DNAH12: variants seen among roughly 807,000 people sequenced by gnomAD.
DNAH12 encodes dynein axonemal heavy chain 12, also known as axonemal beta dynein heavy chain 12.
DNAH12 carries 285 observed loss-of-function variants against 371.5 expected under a neutral mutation model. The ratio of observed to expected loss-of-function variants is 0.77; its 90% CI spans 0.70 to 0.85. DNAH12 has a LOEUF of 0.85. Among genes scored for constraint, DNAH12 ranks in the 40% least tolerant of loss-of-function variants. DNAH12 has a pLI of 0.00. For missense variants in DNAH12, 3,611 were observed against 3,689.4 expected, an observed-to-expected ratio of 0.98 and a Z score of 0.55; for synonymous variants, 1,200 against 1,213.0, an observed-to-expected ratio of 0.99 and a Z score of 0.22.
rs997776079 is a variant in DNAH12, at chr3:57,413,969, T to C, written c.5854-57A>G. 6.7e-6 allele frequency: 10 copies of C among 1,495,382 alleles called. No homozygotes were observed. In the Admixed American group the frequency reaches 1.6e-4, roughly 24 times the overall value. 92.6% of individuals were successfully genotyped at this position (1,495,382 alleles called of 1,614,324 possible). A position where few individuals can be genotyped will look rare whatever the true frequency, so the allele number is the denominator to read the frequency against. On this transcript the variant is annotated intron_variant, in intron 38 of 73. Transcript: ENST00000495027. ...CTATAATTGAATTAGGGATTTATCA[T>C]ACTTATATTAAATCAGTATCAACAA...
chr3:57,310,887 T>A lies in DNAH12; in HGVS notation c.10726A>T (p.Asn3576Tyr). The A allele has an allele frequency of 6.4e-7, 1 of 1,551,626 alleles. No individual in the cohort carries two copies. Among genetic ancestry groups the A allele is most frequent in the South Asian group, 1.2e-5 (1 of 84,064 alleles). Residue 3576 changes from asparagine to tyrosine, a missense_variant, in exon 67 of 74, where the codon AAT becomes TAT. This residue lies in a region of DNAH12 where 2,266 missense variants were observed against 2,236.9 expected (regional missense o/e 1.01). Coordinates refer to ENST00000495027, the MANE Select transcript of DNAH12 (RefSeq NM_001366028.2). ...EAISYLTGEC[N>Y]YGGRVTDDWD... is the part of the protein sequence containing the mutation. Reference sequence around the variant, plus strand: ...TCGTCTGTCACTCTTCCTCCATAATTACACTCCCCAGTCAGGTAAGATATA... The same window carrying A: ...TCGTCTGTCACTCTTCCTCCATAATAACACTCCCCAGTCAGGTAAGATATA...
At chr3:57,386,669 A>T (rs2063505121) in intron 46 of DNAH12, 66 bp from the exon 47 acceptor site, 1 of 152,244 alleles carries the variant, frequency 6.6e-6, no homozygotes, top group African/African-American at 2.4e-5. Context: ...TAAATTCAAC[A>T]TACCATTAAC....
intron 29 of DNAH12, among the ~76,000 whole-genome samples, chr3:57,438,932 A>AAAAAAAAAAC: frequency 6.9e-6 from 1 of 144,624 alleles, no homozygotes; most frequent in East Asian, 2.0e-4. Flanking sequence ...AAAAAAAAAA[A>AAAAAAAAAAC]GGAAAGCAAC....
At chr3:57,398,129 AAACTG>A (rs1280760045) in intron 43 of DNAH12, among the ~76,000 whole-genome samples, 2 of 152,212 alleles carry the variant, frequency 1.3e-5, no homozygotes, top group African/African-American at 4.8e-5. Flanking sequence ...CCAAAACATA[AAACTG>A]AACTAAAAAA....
intron 29 of DNAH12, among the ~76,000 whole-genome samples, chr3:57,441,205 G>C (rs931616347): frequency 1.3e-5 from 2 of 152,022 alleles, no homozygotes; most frequent in African/African-American, 4.8e-5. Flanking sequence ...GCAGAAAAGA[G>C]AACTCTCTAA....
At chr3:57,470,126 T>C (rs1298704458) in intron 16 of DNAH12, among the ~76,000 whole-genome samples, 1 of 151,590 alleles carries the variant, frequency 6.6e-6, no homozygotes, top group African/African-American at 2.4e-5. Context: ...ACTCATATAT[T>C]ATATATATAT....
At chr3:57,388,799 C>T (rs1351726936) in intron 45 of DNAH12, among the ~76,000 whole-genome samples, 1 of 150,384 alleles carries the variant, frequency 6.6e-6, no homozygotes, top group Admixed American at 6.7e-5. Flanking sequence ...CAAACTATCA[C>T]AAGGACAAAA....
chr3:57,424,855 TA>T (rs1218906786), intron 35 of DNAH12, among the ~76,000 whole-genome samples, 166 bp downstream of exon 35: 1 of 152,176 alleles, frequency 6.6e-6, no homozygotes, highest in East Asian at 1.9e-4. Context: ...AAGTGTTTTT[TA>T]TTATCAGAAT....
At chr3:57,496,944 A>G (rs1559721410) in intron 11 of DNAH12, among the ~76,000 whole-genome samples, 1 of 152,064 alleles carries the variant, frequency 6.6e-6, no homozygotes, top group Non-Finnish European at 1.5e-5. Context: ...ACTACAGCCT[A>G]GGCAACAAGA....
chr3:57,297,359 A>AT (rs35527517), intron 70 of DNAH12: 59,960 of 158,130 alleles, frequency 0.38, 11,936 homozygotes, highest in East Asian at 0.87. Context: ...CCTTAACCCT[A>AT]TTTTTTTTTT....
intron 55 of DNAH12, among the ~76,000 whole-genome samples, chr3:57,368,817 G>A (rs1463980860): frequency 6.6e-6 from 1 of 152,126 alleles, no homozygotes; most frequent in African/African-American, 2.4e-5. Context: ...GTTCAGATGT[G>A]TAATATATGA....
At position 57,421,582 on chromosome 3, in the gene DNAH12, T is replaced by A; in HGVS notation, c.5498A>T (p.Asp1833Val). 6.4e-7 allele frequency: 1 copy of A among 1,551,672 alleles called. No individual in the cohort carries two copies. Among genetic ancestry groups the A allele is most frequent in the South Asian group, 1.2e-5 (1 of 84,062 alleles). ...LGKDDENPVPDSVGKWECPFD... is the reference protein window; with the variant it reads ...LGKDDENPVPVSVGKWECPFD... ...TGGGCATTCCCATTTACCCACAGAA[T>A]CTGGCACTGGGTTTTCATCATCTTT... The change falls in exon 36 of 74, where the codon GAT (aspartate) becomes GTT (valine). Residue 1833 changes from aspartate (D) to valine (V), a missense_variant. Asp to Val is a radical substitution (Grantham distance 152, BLOSUM62 -3). Coordinates refer to ENST00000495027, the MANE Select transcript of DNAH12 (RefSeq NM_001366028.2).
At position 57,445,348 on chromosome 3, in the gene DNAH12, G is replaced by C; in HGVS notation, c.4251C>G (p.Tyr1417Ter). The C allele has an allele frequency of 3.9e-6, 6 of 1,551,664 alleles. No homozygotes were observed. Among genetic ancestry groups the C allele is most frequent in the Non-Finnish European group, 5.2e-6 (6 of 1,146,974 alleles). ...ACAGAGGTCTTGCATTCAAAAATCC[G>C]TAAGAGTAGAGGGAGATTTCTGCTA... is the stretch of plus-strand genomic sequence containing the variant. ...ALIAEISLYS[Y>*]GFLNARPLSV... Residue 1417 changes from tyrosine (Y) to a stop codon, truncating the protein, a stop_gained, in exon 28 of 74, where the codon TAC becomes TAG. Transcript: ENST00000495027. LOFTEE classifies it high-confidence loss of function.
rs1347149995 is a variant in DNAH12, at chr3:57,498,210, G to A, written c.1335+3111C>T. The A allele has an allele frequency of 3.0e-5, 10 of 333,548 alleles. No individual in the cohort carries two copies. The Admixed American group carries it at 4.4e-4, about 15-fold the overall frequency. 20.7% of individuals were successfully genotyped at this position (333,548 alleles called of 1,614,324 possible). ...GGAAAAAATAAAACAATAGTAAAAA[G>A]TAAAAGACTGATAAGCCCAAAGGTT... On this transcript the variant is annotated intron_variant, in intron 11 of 73. Coordinates refer to ENST00000495027, the MANE Select transcript of DNAH12 (RefSeq NM_001366028.2).
At chr3:57,409,639 T>A (rs1252892287) in intron 39 of DNAH12, among the ~76,000 whole-genome samples, 1 of 152,076 alleles carries the variant, frequency 6.6e-6, no homozygotes, top group Non-Finnish European at 1.5e-5. Context: ...GCAGTGATTA[T>A]CTCAACAATG....
In DNAH12 at chr3:57,446,685, C is replaced by T. The variant is rs776463515; in HGVS notation, c.3791G>A (p.Gly1264Asp). ...ACCTCCAAGGTTTAAATAGAAAGCA[C>T]CTATCTGAAATGAAAAACACATGTG... ...LTDRCYRTLIGAFYLNLGGAP... is the reference protein window; with the variant it reads ...LTDRCYRTLIDAFYLNLGGAP... Residue 1264 changes from glycine (G) to aspartate (D), a missense_variant, in exon 26 of 74, where the codon GGT becomes GAT. Transcript: ENST00000495027. 2.7e-6 allele frequency: 4 copies of T among 1,491,680 alleles called. No homozygotes were observed. The South Asian group carries it at 5.3e-5, about 20-fold the overall frequency. 92.4% of individuals were successfully genotyped at this position (1,491,680 alleles called of 1,614,324 possible). A position where few individuals can be genotyped will look rare whatever the true frequency, so the allele number is the denominator to read the frequency against.
rs1230781008 is a variant in DNAH12, at chr3:57,363,579, G to T, written c.9360+15C>A. 2 of 151,990 alleles carry T rather than the reference G, an allele frequency of 1.3e-5. No homozygotes were observed. Among genetic ancestry groups the T allele is most frequent in the African/African-American group, 4.8e-5 (2 of 41,424 alleles). 9.4% of individuals were successfully genotyped at this position (151,990 alleles called of 1,614,324 possible). On this transcript the variant is annotated intron_variant, in intron 58 of 73. Coordinates refer to ENST00000495027, the MANE Select transcript of DNAH12 (RefSeq NM_001366028.2). ...TAAGATTTAAATCAAAAGACTTCTA[G>T]GATTCTTTTTTCACCTGCTGTTTCT...
intron 65 of DNAH12, among the ~76,000 whole-genome samples, chr3:57,315,904 C>G (rs2061674648): frequency 1.3e-5 from 2 of 152,052 alleles, no homozygotes; most frequent in African/African-American, 4.8e-5. Flanking sequence ...GGAAAGAAAA[C>G]AGAAAGATGC....
chr3:57,431,265 T>C (rs933416948), intron 32 of DNAH12, among the ~76,000 whole-genome samples: 1 of 152,124 alleles, frequency 6.6e-6, no homozygotes, highest in Non-Finnish European at 1.5e-5. Flanking sequence ...CCCTCCTCAA[T>C]AGCTAAAGTC....
Sources: allele counts gnomAD v4.1 joint callset (sites outside exome capture counted in the v4.1 genomes callset), GRCh38; gene constraint gnomAD v4.1.1; regional missense constraint gnomAD v4.1.1; transcripts MANE v1.5; gene names NCBI Gene and HGNC (gene_info 2026-07-23, HGNC 2026-07-21).